The following PDE4DIP variants were observed in gnomAD, a reference collection of about 807,000 sequenced individuals.
The protein encoded by PDE4DIP is myomegalin.
A neutral mutation model predicts 221.4 loss-of-function variants in PDE4DIP; 59 were observed. The ratio of observed to expected loss-of-function variants is 0.27; its 90% confidence interval spans 0.22 to 0.33. PDE4DIP has a LOEUF of 0.33. PDE4DIP is among the 10% of genes least tolerant of loss of function. PDE4DIP has a pLI of 1.00. For missense variants in PDE4DIP, 1,036 were observed against 2,154.2 expected (o/e 0.48, Z 10.28); for synonymous variants, 404 against 815.9 (o/e 0.50, Z 8.60).
chr1:148,947,001 T>A (rs1170911520), intron 5 of PDE4DIP, among the ~76,000 whole-genome samples: 1 of 152,272 alleles, frequency 6.6e-6, no homozygotes, highest in Non-Finnish European at 1.5e-5. Flanking sequence ...TCACACTAAA[T>A]TTAATTCAGT....
At chr1:148,952,382 A>G (rs1369931279) in intron 5 of PDE4DIP, 65 of 1,074,038 alleles carry the variant, frequency 6.1e-5, no homozygotes, top group African/African-American at 1.5e-4. Flanking sequence ...CTGATCCTCC[A>G]TCCCCGAGGC....
chr1:149,016,297 A>G lies in PDE4DIP; in HGVS notation c.5267-2A>G, dbSNP rs782028901. 1 of 1,613,912 alleles carries G rather than the reference A, an allele frequency of 6.2e-7. No individual in the cohort carries two copies. Among genetic ancestry groups the G allele is most frequent in the Non-Finnish European group, 8.5e-7 (1 of 1,179,932 alleles). On this transcript the variant is annotated splice_acceptor_variant, in intron 32 of 43. Transcript: ENST00000369354. LOFTEE classifies it high-confidence loss of function. Reference sequence around the variant, plus strand: ...TTCTTACTAATGTTTCTTTCTGCCCAGGTGCCAGCACTGTTCCTCCTGCTT... The same window carrying G: ...TTCTTACTAATGTTTCTTTCTGCCCGGGTGCCAGCACTGTTCCTCCTGCTT...
chr1:148,813,780 T>G lies in PDE4DIP; in HGVS notation c.233+5043T>G, dbSNP rs1571220803. 2.2e-5 allele frequency among the ~76,000 whole-genome samples: 3 copies of G among 133,772 alleles called. No individual in the cohort carries two copies. In the South Asian group the frequency reaches 6.9e-4, roughly 31 times the overall value. 87.8% of individuals were successfully genotyped at this position (133,772 alleles called of 152,430 possible). A position where few individuals can be genotyped will look rare whatever the true frequency, so the allele number is the denominator to read the frequency against. On this transcript the variant is annotated intron_variant, in intron 1 of 45. Coordinates refer to the PDE4DIP transcript ENST00000524974. ...TGTTTTTTTTTTTCTTTTTTATCTT[T>G]TTTTTTTTTTTGCATGTAGATGTAC...
chr1:148,964,281 T>C (rs1396721960), intron 9 of PDE4DIP, among the ~76,000 whole-genome samples: 3 of 151,956 alleles, frequency 2.0e-5, no homozygotes, highest in South Asian at 2.1e-4. Context: ...GCTAATTTTG[T>C]ATTTTTAGTA....
chr1:148,956,052 C>A lies in PDE4DIP; in HGVS notation c.637-4602C>A, dbSNP rs587710919. On this transcript the variant is annotated intron_variant, in intron 5 of 43. Coordinates refer to ENST00000369354, the Ensembl canonical transcript of PDE4DIP. ...TGGTTACTTTTAAGCTCCTTAAGAG[C>A]CTTATGACAAAACCAGTGCTAGATG... is the stretch of plus-strand genomic sequence containing the variant. Among the ~76,000 whole-genome samples, 44 of 152,182 alleles carry A rather than the reference C, an allele frequency of 2.9e-4. No individual in the cohort carries two copies. In the East Asian group the frequency reaches 8.3e-3, roughly 29 times the overall value.
chr1:149,001,586 T>A lies in PDE4DIP; in HGVS notation c.3138-5T>A. ...CTAGCCCTCAATTAAGTGTGTTTCCTGCAGGAACACCATGCTGAGCCTTTG... is the reference window on the plus strand; with the variant it reads ...CTAGCCCTCAATTAAGTGTGTTTCCAGCAGGAACACCATGCTGAGCCTTTG... On this transcript the variant is annotated splice_polypyrimidine_tract_variant and splice_region_variant and intron_variant, in intron 23 of 43. Coordinates refer to ENST00000369354, the Ensembl canonical transcript of PDE4DIP. 6.6e-7 allele frequency: 1 copy of A among 1,506,896 alleles called. No homozygotes were observed. Among genetic ancestry groups the A allele is most frequent in the Non-Finnish European group, 9.0e-7 (1 of 1,109,446 alleles). 93.3% of individuals were successfully genotyped at this position (1,506,896 alleles called of 1,614,324 possible).
chr1:148,864,417 A>G (rs1612146), intron 2 of PDE4DIP, among the ~76,000 whole-genome samples: 10,560 of 100,150 alleles, frequency 0.11, 47 homozygotes, highest in African/African-American at 0.17. Context: ...AATTATTACT[A>G]CACTAACATT....
At chr1:149,007,135 C>T (rs1476435546) in intron 27 of PDE4DIP, 66 bp from the exon 31 acceptor site, 3 of 633,582 alleles carry the variant, frequency 4.7e-6, no homozygotes, top group African/African-American at 3.7e-5. Context: ...ACAGAAGCCC[C>T]CATAACTCCA....
At chr1:148,983,153 T>C (rs587695750) in intron 21 of PDE4DIP, 28 of 152,254 alleles carry the variant, frequency 1.8e-4, no homozygotes, top group African/African-American at 6.0e-4. Context: ...ACAAAATTTT[T>C]TGTAACTTTC....
intron 21 of PDE4DIP, chr1:148,990,071 CAT>C (rs2062719047): frequency 4.1e-6 from 1 of 245,506 alleles, no homozygotes; most frequent in Non-Finnish European, 6.5e-6. Context: ...CCAAAGTTAA[CAT>C]AAAGTTCATG....
chr1:148,976,832 G>A (rs2060262434), intron 17 of PDE4DIP, among the ~76,000 whole-genome samples: 1 of 151,998 alleles, frequency 6.6e-6, no homozygotes, highest in Non-Finnish European at 1.5e-5. Context: ...TTCAGGCAAA[G>A]GGAGTAGTTG....
At chr1:148,963,691 A>G (rs1553514824) in intron 9 of PDE4DIP, among the ~76,000 whole-genome samples, 3 of 151,572 alleles carry the variant, frequency 2.0e-5, no homozygotes, top group Admixed American at 2.0e-4. Context: ...TGAATAATAA[A>G]TATACGATTC....
Position 149,012,635 on chromosome 1 carries a change from G to T in PDE4DIP, c.5125G>T (p.Ala1709Ser), listed in dbSNP as rs140487163. ...ACCCAAGCTGGCTAGCCTTCCTCAG[G>T]CACCATTGCCCTCAGCTCCATCCAG... is the stretch of plus-strand genomic sequence containing the variant. The change falls in exon 32 of 44, where the codon GCA (alanine) becomes TCA (serine). Residue 1709 changes from alanine to serine, a missense_variant. Ala to Ser is a moderately conservative substitution (Grantham distance 99). Coordinates refer to ENST00000369354, the Ensembl canonical transcript of PDE4DIP. 5,583 of 1,609,906 alleles carry T rather than the reference G, an allele frequency of 3.5e-3. 81 individuals carry two copies. The highest frequency in any genetic ancestry group is 0.028 in the South Asian group (2,496 of 90,480).
At chr1:148,821,001 A>G (rs2489088) in intron 1 of PDE4DIP, among the ~76,000 whole-genome samples, 3,769 of 136,110 alleles carry the variant, frequency 0.028, 75 homozygotes, top group East Asian at 0.13. Flanking sequence ...ACAGGCACCC[A>G]ATACCTCGCC....
At chr1:149,029,650 G>A (rs5004098) in intron 41 of PDE4DIP, 137 bp from the exon 45 acceptor site, 19 of 724,488 alleles carry the variant, frequency 2.6e-5, no homozygotes, top group Admixed American at 5.4e-5. Context: ...GGAGGTATCC[G>A]AGGCTGTGAA....
intron 4 of PDE4DIP, among the ~76,000 whole-genome samples, chr1:148,934,932 A>T (rs2048874629): frequency 6.6e-6 from 1 of 151,876 alleles, no homozygotes; most frequent in South Asian, 2.1e-4. Context: ...TAAGTTTTAA[A>T]AGTTATTTCT....
intron 38 of PDE4DIP, chr1:149,025,986 A>G (rs1449014511): frequency 2.0e-5 from 3 of 150,824 alleles, no homozygotes; most frequent in Non-Finnish European, 4.4e-5. Flanking sequence ...TATGTCTCCA[A>G]CTCTTCCTTC....
At chr1:149,012,640 A>G in exon 32 of PDE4DIP, 4 of 1,612,340 alleles carry the variant, frequency 2.5e-6, no homozygotes, top group Non-Finnish European at 3.4e-6. Context: ...CTCAGGCACC[A>G]TTGCCCTCAG....
intron 32 of PDE4DIP, among the ~76,000 whole-genome samples, 178 bp downstream of exon 35, chr1:149,012,954 G>C (rs2069072217): frequency 6.6e-6 from 1 of 151,584 alleles, no homozygotes; most frequent in Non-Finnish European, 1.5e-5. Context: ...TATTTCTGTG[G>C]TGTGTATGTC....
Sources: allele counts gnomAD v4.1 joint callset (sites outside exome capture counted in the v4.1 genomes callset), GRCh38; gene constraint gnomAD v4.1.1; transcripts MANE v1.5; gene names NCBI Gene and HGNC (gene_info 2026-07-23, HGNC 2026-07-21).